Variants in G3BP2 observed in about 807,000 individuals in gnomAD.
G3BP2 encodes the protein ras GTPase-activating protein-binding protein 2.
Under a neutral mutation model 56.7 loss-of-function variants are expected in G3BP2, and 11 were observed. The ratio of observed to expected loss-of-function variants is 0.19; its 90% CI spans 0.12 to 0.32. The LOEUF (loss-of-function observed/expected upper bound fraction) is 0.32, where lower values mean the gene tolerates loss of function less well. G3BP2 is among the 10% of genes least tolerant of loss of function. The probability of loss-of-function intolerance (pLI) is 1.00; values close to 1 mark genes in which losing one functional copy is unlikely to be tolerated. For missense variants in G3BP2, 340 were observed against 610.9 expected (o/e 0.56, Z 4.67); for synonymous variants, 165 against 191.6 (o/e 0.86, Z 1.15).
chr4:75,707,360 G>T (rs561829693), intron 3 of G3BP2, among the ~76,000 whole-genome samples: 5 of 151,956 alleles, frequency 3.3e-5, no homozygotes, highest in Non-Finnish European at 7.4e-5. Context: ...CGTGGCTCAC[G>T]CTTGTAATCC....
intron 3 of G3BP2, among the ~76,000 whole-genome samples, chr4:75,720,156 G>C (rs1242836335): frequency 6.6e-6 from 1 of 151,322 alleles, no homozygotes; most frequent in Non-Finnish European, 1.5e-5. Context: ...AGGCCACCAC[G>C]CCCAGCTACC....
At chr4:75,691,356 C>A (rs192457003) in intron 3 of G3BP2, among the ~76,000 whole-genome samples, 1 of 151,920 alleles carries the variant, frequency 6.6e-6, no homozygotes, top group Non-Finnish European at 1.5e-5. Flanking sequence ...CTGGGATTAC[C>A]GGTTGTGAGC....
chr4:75,671,509 T>C (rs971081862), intron 1 of G3BP2, among the ~76,000 whole-genome samples: 5 of 152,200 alleles, frequency 3.3e-5, no homozygotes, highest in African/African-American at 1.2e-4. Flanking sequence ...TCAAATAATG[T>C]GTTTTCTTCT....
intron 3 of G3BP2, among the ~76,000 whole-genome samples, chr4:75,708,335 G>C (rs1213796392): frequency 6.6e-6 from 1 of 152,110 alleles, no homozygotes; most frequent in Admixed American, 6.5e-5. Flanking sequence ...GAGTAAAGAG[G>C]GCCCAGTATG....
At chr4:75,683,222 C>G (rs1036804542) in intron 3 of G3BP2, among the ~76,000 whole-genome samples, 1 of 152,068 alleles carries the variant, frequency 6.6e-6, no homozygotes, top group Non-Finnish European at 1.5e-5. Context: ...TTTACCTCAG[C>G]AGGAAGCATA....
chr4:75,694,645 G>A (rs929494839), intron 3 of G3BP2, among the ~76,000 whole-genome samples: 2 of 152,212 alleles, frequency 1.3e-5, no homozygotes, highest in Non-Finnish European at 2.9e-5. Flanking sequence ...GGGTGAGGTG[G>A]GAGAATCGCT....
intron 3 of G3BP2, among the ~76,000 whole-genome samples, chr4:75,705,586 G>A (rs1156445660): frequency 2.0e-5 from 3 of 152,180 alleles, no homozygotes; most frequent in Non-Finnish European, 2.9e-5. Flanking sequence ...CTGGAGGAGG[G>A]AGGCCTTCCA....
chr4:75,668,783 C>G (rs34659736), intron 1 of G3BP2, among the ~76,000 whole-genome samples: 58,484 of 152,084 alleles, frequency 0.38, 12,021 homozygotes, highest in African/African-American at 0.5. Context: ...CAGCAGAAAT[C>G]CTGTCCCCTT....
At chr4:75,662,861 G>A (rs1020289759) in intron 1 of G3BP2, among the ~76,000 whole-genome samples, 2 of 152,124 alleles carry the variant, frequency 1.3e-5, no homozygotes, top group African/African-American at 4.8e-5. Context: ...AAGACAGAGG[G>A]CCCAAGTTAA....
intron 3 of G3BP2, among the ~76,000 whole-genome samples, chr4:75,715,951 C>T (rs576294547): frequency 6.6e-6 from 1 of 152,194 alleles, no homozygotes; most frequent in Non-Finnish European, 1.5e-5. Context: ...AGCACCCTCA[C>T]ATGAAGGAGA....
At position 75,699,510 on chromosome 4, in the gene G3BP2, G is replaced by A. The variant is rs1266276819; in HGVS notation, c.-25+21367C>T. 2.6e-5 allele frequency among the ~76,000 whole-genome samples: 4 copies of A among 152,306 alleles called. No individual in the cohort carries two copies. In the South Asian group the frequency reaches 6.2e-4, roughly 24 times the overall value. On this transcript the variant is annotated intron_variant, in intron 3 of 3. Coordinates refer to the G3BP2 transcript ENST00000499709. ...AAAGCCTATGCCCTTTCTACTCACT[G>A]CTTCAGCCTGGCCCTCAAACTTTAG...
chr4:75,673,278 G>A lies in G3BP2; in HGVS notation c.-95C>T. 4 of 1,227,312 alleles carry A rather than the reference G, an allele frequency of 3.3e-6. No homozygotes were observed. Among genetic ancestry groups the A allele is most frequent in the Non-Finnish European group, 4.1e-6 (4 of 985,440 alleles). The allele number at this position is 1,227,312 out of a possible 1,614,324, so 76.0% of individuals were successfully genotyped here. A position where few individuals can be genotyped will look rare whatever the true frequency, so the allele number is the denominator to read the frequency against. The stretch of plus-strand genomic sequence containing the variant: ...AGTCGCTGAGGACCGGGTGCGGCGG[G>A]TTCTTATTGCTCGCCGCCCCCTTCC... On this transcript the variant is annotated 5_prime_UTR_variant, in exon 1 of 12. Transcript: ENST00000359707.
chr4:75,684,871 T>G (rs773769678), intron 3 of G3BP2, among the ~76,000 whole-genome samples: 1 of 152,118 alleles, frequency 6.6e-6, no homozygotes, highest in Non-Finnish European at 1.5e-5. Context: ...AAAAACCAAT[T>G]ATCTAAACCA....
At chr4:75,674,757 G>C (rs1373008317), upstream of G3BP2, among the ~76,000 whole-genome samples, 12 of 116,194 alleles carry the variant, frequency 1.0e-4, no homozygotes, top group South Asian at 5.7e-4. Context: ...GAGTCTCTCT[G>C]TGTCGCCCAG....
At chr4:75,666,223 G>C (rs1470226029) in intron 1 of G3BP2, among the ~76,000 whole-genome samples, 1 of 152,094 alleles carries the variant, frequency 6.6e-6, no homozygotes, top group East Asian at 1.9e-4. Flanking sequence ...AGAACAGAGA[G>C]ACAGGGAAGG....
chr4:75,661,160 ACT>A (rs1413387341), intron 2 of G3BP2, among the ~76,000 whole-genome samples: 2 of 152,088 alleles, frequency 1.3e-5, no homozygotes, highest in Non-Finnish European at 2.9e-5. Context: ...ACGAAGCCTC[ACT>A]CTGTCACCCA....
chr4:75,671,961 C>T (rs1034552621), intron 1 of G3BP2, among the ~76,000 whole-genome samples: 3 of 152,168 alleles, frequency 2.0e-5, no homozygotes, highest in African/African-American at 7.2e-5. Flanking sequence ...CCATCATCTC[C>T]CACTCTAGTA....
intron 3 of G3BP2, among the ~76,000 whole-genome samples, chr4:75,716,932 A>G (rs1483790150): frequency 2.0e-5 from 3 of 152,126 alleles, no homozygotes; most frequent in Non-Finnish European, 2.9e-5. Context: ...TGTACTTACA[A>G]TCTTCTCATC....
intron 1 of G3BP2, among the ~76,000 whole-genome samples, chr4:75,663,252 A>G (rs965587689): frequency 2.0e-5 from 3 of 152,122 alleles, no homozygotes; most frequent in East Asian, 1.9e-4. Context: ...TGAAATAAAT[A>G]CAATTTCCTA....
Sources: gnomAD v4.1 joint callset for allele counts (sites outside exome capture counted in the v4.1 genomes callset) on GRCh38, gnomAD v4.1.1 for gene constraint, MANE v1.5 for transcripts, NCBI Gene and HGNC (gene_info 2026-07-23, HGNC 2026-07-21) for gene names.